Variants in TBCD observed in about 807,000 individuals in gnomAD.
The protein encoded by TBCD is tubulin folding cofactor D.
A neutral mutation model predicts 169.3 loss-of-function variants in TBCD; 105 were observed. The ratio of observed to expected loss-of-function variants is 0.62; its 90% CI spans 0.53 to 0.73. The LOEUF is 0.73. Among genes scored for constraint, TBCD ranks in the 30% least tolerant of loss-of-function variants. TBCD has a pLI of 0.00. For missense variants in TBCD, 1,444 were observed against 1,600.1 expected (o/e 0.90, Z 1.66); for synonymous variants, 700 against 643.9 (o/e 1.09, Z -1.32).
Position 82,915,911 on chromosome 17 carries a change from C to A in TBCD, c.2038+4122C>A, listed in dbSNP as rs1207605721. Among the ~76,000 whole-genome samples, 2 of 152,206 alleles carry A rather than the reference C, an allele frequency of 1.3e-5. No individual in the cohort carries two copies. Among genetic ancestry groups the A allele is most frequent in the Non-Finnish European group, 2.9e-5 (2 of 68,036 alleles). The stretch of plus-strand genomic sequence containing the variant: ...GGGGTGAGGGCTCCGTGCTCCATCT[C>A]TGATGCCCTGTACACACCTGCCACC... On this transcript the variant is annotated intron_variant, in intron 23 of 38. Coordinates refer to ENST00000355528, the MANE Select transcript of TBCD (RefSeq NM_005993.5). The surrounding 1 kb of genome is among the most constrained non-coding windows in gnomAD (Gnocchi z 4.3).
chr17:82,813,407 G>A (rs769737837), intron 12 of TBCD, among the ~76,000 whole-genome samples: 6 of 152,012 alleles, frequency 3.9e-5, no homozygotes, highest in Non-Finnish European at 7.4e-5. Flanking sequence ...GCGGGAACTC[G>A]CCCCGGCTGC....
At chr17:82,753,911 AG>A (rs2047259916) in intron 1 of TBCD, among the ~76,000 whole-genome samples, 1 of 137,304 alleles carries the variant, frequency 7.3e-6, no homozygotes, top group Admixed American at 7.5e-5. Flanking sequence ...TTTGTCCCCC[AG>A]GGTGGAGTGC....
Position 82,874,053 on chromosome 17 carries a change from C to T in TBCD, c.1475+3673C>T, listed in dbSNP as rs571178557. 5.3e-5 allele frequency among the ~76,000 whole-genome samples: 8 copies of T among 152,172 alleles called. No homozygotes were observed. The highest frequency in any genetic ancestry group is 8.8e-5 in the Non-Finnish European group (6 of 68,038). ...TTTGGAGCAGCTGCCACGTGTGGACCGGCACGGGCATGGTCGTGGTCTGCC... is the reference window on the plus strand; with the variant it reads ...TTTGGAGCAGCTGCCACGTGTGGACTGGCACGGGCATGGTCGTGGTCTGCC... On this transcript the variant is annotated intron_variant, in intron 14 of 38. Coordinates refer to ENST00000355528, the MANE Select transcript of TBCD (RefSeq NM_005993.5). The surrounding 1 kb of genome is among the most constrained non-coding windows in gnomAD (Gnocchi z 5.0).
intron 13 of TBCD, among the ~76,000 whole-genome samples, chr17:82,862,646 G>A (rs936454178): frequency 3.9e-5 from 6 of 152,206 alleles, no homozygotes; most frequent in African/African-American, 1.4e-4. Context: ...TCGATCTGAG[G>A]GTTATTTCTA....
chr17:82,790,476 G>C (rs2049633174), intron 7 of TBCD, among the ~76,000 whole-genome samples: 1 of 152,164 alleles, frequency 6.6e-6, no homozygotes, highest in African/African-American at 2.4e-5. Flanking sequence ...CCACGCCTGG[G>C]GTTCCCCATC....
At chr17:82,809,809 G>GT (rs1159696767) in intron 12 of TBCD, 27 bp downstream of exon 12, 1 of 1,608,560 alleles carries the variant, frequency 6.2e-7, no homozygotes, top group Non-Finnish European at 8.5e-7. Context: ...GGGGAGGCGT[G>GT]TGGGCCTGAC....
At position 82,926,133 on chromosome 17, in the gene TBCD, G is replaced by A. The variant is rs141916302; in HGVS notation, c.2380-267G>A. On this transcript the variant is annotated intron_variant, in intron 27 of 38. Coordinates refer to ENST00000355528, the MANE Select transcript of TBCD (RefSeq NM_005993.5). ...CCGGGTGTCCTTCCTGGGTTGTACCGGGGGCCGTGGAGAGGCTGGAGGTGA... is the reference window on the plus strand; with the variant it reads ...CCGGGTGTCCTTCCTGGGTTGTACCAGGGGCCGTGGAGAGGCTGGAGGTGA... Among the ~76,000 whole-genome samples the A allele has an allele frequency of 8.1e-3, 953 of 118,170 alleles. 57 individuals carry two copies. Among genetic ancestry groups the A allele is most frequent in the African/African-American group, 0.034 (888 of 25,772 alleles). 77.5% of individuals were successfully genotyped at this position (118,170 alleles called of 152,430 possible). A position where few individuals can be genotyped will look rare whatever the true frequency, so the allele number is the denominator to read the frequency against.
chr17:82,831,245 C>T lies in TBCD; in HGVS notation c.1318+16311C>T, dbSNP rs200563495. 4 of 1,613,766 alleles carry T rather than the reference C, an allele frequency of 2.5e-6. No individual in the cohort carries two copies. The highest frequency in any genetic ancestry group is 2.7e-5 in the African/African-American group (2 of 74,932). On this transcript the variant is annotated intron_variant, in intron 13 of 38. Transcript: ENST00000355528. The surrounding 1 kb of genome is among the most constrained non-coding windows in gnomAD (Gnocchi z 4.6). Reference sequence around the variant, plus strand: ...GGGGAGCCCGTGGCTGCACTCCCTGCGCGGGGGCTCATTTTGGACCCTTCC... The same window carrying T: ...GGGGAGCCCGTGGCTGCACTCCCTGTGCGGGGGCTCATTTTGGACCCTTCC...
Position 82,771,177 on chromosome 17 carries a change from C to T in TBCD, c.583-1275C>T, listed in dbSNP as rs186970595. On this transcript the variant is annotated intron_variant, in intron 5 of 38. Transcript: ENST00000355528. Reference sequence around the variant, plus strand: ...TTGGAAACATTTTAAGGCAGCCCTCCGAAAAATAAATCTAGCTGGGCGTGG... The same window carrying T: ...TTGGAAACATTTTAAGGCAGCCCTCTGAAAAATAAATCTAGCTGGGCGTGG... 6.6e-5 allele frequency among the ~76,000 whole-genome samples: 10 copies of T among 151,728 alleles called. No homozygotes were observed. The South Asian group carries it at 1.2e-3, about 19-fold the overall frequency.
chr17:82,907,402 GC>G (rs1317920453), intron 20 of TBCD, among the ~76,000 whole-genome samples: 17 of 152,178 alleles, frequency 1.1e-4, no homozygotes, highest in African/African-American at 4.1e-4. Context: ...TCACAAATGG[GC>G]CAGGCATAGT....
chr17:82,853,235 A>C (rs1005310190), intron 13 of TBCD, among the ~76,000 whole-genome samples: 2 of 151,962 alleles, frequency 1.3e-5, no homozygotes, highest in Admixed American at 1.3e-4. Context: ...ATGTGCCACC[A>C]CGCCCAGCTA....
intron 21 of TBCD, 147 bp downstream of exon 21, chr17:82,907,968 A>T (rs2060364422): frequency 1.2e-6 from 1 of 822,224 alleles, no homozygotes; most frequent in African/African-American, 1.7e-5. Context: ...CTGCGGTGTG[A>T]TCACTCTGGG....
chr17:82,901,717 A>G (rs902684843), intron 18 of TBCD, among the ~76,000 whole-genome samples: 5 of 152,060 alleles, frequency 3.3e-5, no homozygotes, highest in African/African-American at 7.3e-5. Flanking sequence ...GGCCCTCAGG[A>G]CTGGGAGCCT....
intron 23 of TBCD, among the ~76,000 whole-genome samples, chr17:82,914,553 G>C (rs376682595): frequency 1.3e-5 from 2 of 152,194 alleles, no homozygotes; most frequent in Non-Finnish European, 2.9e-5. Flanking sequence ...GTGCAAACGC[G>C]GCACTCCTGC....
At chr17:82,927,003 CTCGGGGAAGCACGTCCCACGTTCCATACA>C in intron 28 of TBCD, 154 bp from the exon 29 acceptor site, 2 of 843,910 alleles carry the variant, frequency 2.4e-6, no homozygotes, top group East Asian at 5.5e-5. Context: ...AGAGCGTGAC[CTCGGGGAAGCACGTCCCACGTTCCATACA>C]TGTGGAAGGA....
chr17:82,797,708 A>G, intron 7 of TBCD, 49 bp from the exon 8 acceptor site: 1 of 1,385,856 alleles, frequency 7.2e-7, no homozygotes, highest in Non-Finnish European at 9.8e-7. Flanking sequence ...GTATGTTTTA[A>G]ACTTCTATTT....
chr17:82,778,951 T>G (rs916814504), intron 6 of TBCD, among the ~76,000 whole-genome samples: 1 of 152,064 alleles, frequency 6.6e-6, no homozygotes, highest in African/African-American at 2.4e-5. Context: ...CATGAGCCAC[T>G]GCGCCCGGCC....
At chr17:82,824,245 G>A (rs573829474) in intron 13 of TBCD, among the ~76,000 whole-genome samples, 1 of 146,690 alleles carries the variant, frequency 6.8e-6, no homozygotes, top group Non-Finnish European at 1.5e-5. Flanking sequence ...GCAGTGGTGC[G>A]ATCTCGGCTC....
rs34808874 is a variant in TBCD at position 82,832,218 on chromosome 17, G to A, written c.1318+17284G>A. 588 of 1,614,232 alleles carry A rather than the reference G, an allele frequency of 3.6e-4. 3 individuals carry two copies. The African/African-American group carries it at 5.2e-3, about 14-fold the overall frequency. ...AAGAGGCTGGCTTCGCCGTGGCATC[G>A]GGCTGGTTGGTTTGCTTGGGGTCTA... On this transcript the variant is annotated intron_variant, in intron 13 of 38. Coordinates refer to ENST00000355528, the MANE Select transcript of TBCD (RefSeq NM_005993.5). The surrounding 1 kb of genome is among the most constrained non-coding windows in gnomAD (Gnocchi z 4.9).
Sources: allele counts gnomAD v4.1 joint callset (sites outside exome capture counted in the v4.1 genomes callset), GRCh38; gene constraint gnomAD v4.1.1; non-coding constraint Gnocchi (gnomAD v3.1); transcripts MANE v1.5; gene names NCBI Gene and HGNC (gene_info 2026-07-23, HGNC 2026-07-21).